The following SPEF2 variants were observed in gnomAD, a reference collection of about 807,000 sequenced individuals.
The protein encoded by SPEF2 is sperm flagella and cilia-associated protein 2.
Under a neutral mutation model 224.6 loss-of-function variants are expected in SPEF2, and 187 were observed. The observed-to-expected ratio is 0.83, with a 90% CI of 0.74 to 0.94. The LOEUF (loss-of-function observed/expected upper bound fraction) is 0.94, where lower values mean the gene tolerates loss of function less well. Ranked by LOEUF, SPEF2 falls within the 40% of genes least tolerant of loss-of-function variation. The pLI is 0.00. For synonymous variants in SPEF2, 715 were observed against 707.3 expected, an observed-to-expected ratio of 1.01 and a Z score of -0.17; for missense variants, 2,170 against 2,135.6, an observed-to-expected ratio of 1.02 and a Z score of -0.32.
intron 24 of SPEF2, among the ~76,000 whole-genome samples, chr5:35,756,928 G>T (rs1361748316): frequency 6.6e-6 from 1 of 151,974 alleles, no homozygotes. Context: ...CCCCAACAAG[G>T]TACTCATTAA....
At chr5:35,797,970 G>T (rs1431210185) in intron 33 of SPEF2, among the ~76,000 whole-genome samples, 2 of 152,076 alleles carry the variant, frequency 1.3e-5, no homozygotes. Context: ...AAACCCAGGA[G>T]TCATCCCCAG....
At chr5:35,794,909 G>A (rs779001216) in intron 32 of SPEF2, among the ~76,000 whole-genome samples, 8 of 151,842 alleles carry the variant, frequency 5.3e-5, no homozygotes, top group Non-Finnish European at 8.8e-5. Flanking sequence ...CTGCCCTTCC[G>A]CCCTCAGGTC....
At chr5:35,802,540 CA>C (rs1230315327) in intron 34 of SPEF2, among the ~76,000 whole-genome samples, 15 of 151,830 alleles carry the variant, frequency 9.9e-5, no homozygotes, top group Admixed American at 7.9e-4. Context: ...AAAAAGAATG[CA>C]GGGGGAAAAT....
At chr5:35,726,629 T>C (rs1036811076) in intron 20 of SPEF2, among the ~76,000 whole-genome samples, 2 of 152,218 alleles carry the variant, frequency 1.3e-5, no homozygotes, top group African/African-American at 4.8e-5. Context: ...GCGGAAGATG[T>C]ATTTGCTTTT....
chr5:35,755,572 T>A (rs1006687912), intron 24 of SPEF2, among the ~76,000 whole-genome samples: 2 of 152,184 alleles, frequency 1.3e-5, no homozygotes, highest in African/African-American at 4.8e-5. Flanking sequence ...AAGTTCTTAC[T>A]ATGTACATGC....
chr5:35,747,371 G>C (rs912451986), intron 23 of SPEF2, among the ~76,000 whole-genome samples: 1 of 152,158 alleles, frequency 6.6e-6, no homozygotes, highest in African/African-American at 2.4e-5. Context: ...TGGCCTAAAG[G>C]CTCCACTTAA....
intron 30 of SPEF2, among the ~76,000 whole-genome samples, chr5:35,782,791 C>T (rs1754524262): frequency 6.6e-6 from 1 of 152,110 alleles, no homozygotes; most frequent in Admixed American, 6.6e-5. Flanking sequence ...AATTGAAAAG[C>T]ATCATATATT....
At position 35,740,130 on chromosome 5, in the gene SPEF2, A is replaced by G; in HGVS notation, c.3193A>G (p.Thr1065Ala). Reference sequence around the variant, plus strand: ...ATCTCATTCTATTAATGTCTACAGAACAAGTTTCCAGGAGTTTCTAAAGCG... The same window carrying G: ...ATCTCATTCTATTAATGTCTACAGAGCAAGTTTCCAGGAGTTTCTAAAGCG... ...TVLAYLYEIR[T>A]SFQEFLKRPD... The change falls in exon 23 of 37, where the codon ACA becomes GCA. Residue 1065 changes from threonine to alanine, a missense_variant and splice_region_variant. Physicochemically the swap from Thr to Ala is moderately conservative, Grantham distance 58. Transcript: ENST00000356031. 6.2e-7 allele frequency: 1 copy of G among 1,614,178 alleles called. No homozygotes were observed. The highest frequency in any genetic ancestry group is 8.5e-7 in the Non-Finnish European group (1 of 1,180,024).
At chr5:35,756,211 A>C (rs1580605667) in intron 24 of SPEF2, among the ~76,000 whole-genome samples, 1 of 152,176 alleles carries the variant, frequency 6.6e-6, no homozygotes, top group Admixed American at 6.5e-5. Context: ...TGTAGATGCT[A>C]CCTGCCCATC....
At chr5:35,755,053 C>T (rs760968512) in intron 24 of SPEF2, among the ~76,000 whole-genome samples, 20 of 152,208 alleles carry the variant, frequency 1.3e-4, no homozygotes, top group Non-Finnish European at 2.6e-4. Flanking sequence ...CAGGAGCAGC[C>T]ACTCAGGTAG....
chr5:35,790,688 A>G (rs528014762), intron 30 of SPEF2: 17 of 188,160 alleles, frequency 9.0e-5, no homozygotes, highest in African/African-American at 3.9e-4. Flanking sequence ...TGACCAGACT[A>G]TGATTACGGT....
At chr5:35,702,330 C>G (rs1168990665) in intron 16 of SPEF2, 1 of 455,966 alleles carries the variant, frequency 2.2e-6, no homozygotes, top group Non-Finnish European at 4.4e-6. Context: ...GTAAATGATC[C>G]AGACTCAAAG....
At chr5:35,751,057 G>GTA (rs1554048714) in intron 23 of SPEF2, among the ~76,000 whole-genome samples, 11 of 24,014 alleles carry the variant, frequency 4.6e-4, no homozygotes, top group Admixed American at 1.1e-3. Context: ...ATATATATAC[G>GTA]TATATATATG....
chr5:35,636,947 G>A (rs1745914088), intron 2 of SPEF2, among the ~76,000 whole-genome samples: 1 of 148,896 alleles, frequency 6.7e-6, no homozygotes. Context: ...TTGCACTCCA[G>A]CCTGGGTGAC....
rs1438274481 is a variant in SPEF2 at position 35,776,744 on chromosome 5, A to G, written c.4217+349A>G. 3.3e-5 allele frequency among the ~76,000 whole-genome samples: 5 copies of G among 152,310 alleles called. No individual in the cohort carries two copies. The South Asian group carries it at 6.2e-4, about 19-fold the overall frequency. ...TAAAATAATCCTTGATACTTTTCCA[A>G]TGGTAGATTTATTATCAGTCAGAGC... On this transcript the variant is annotated intron_variant, in intron 29 of 36. Transcript: ENST00000356031.
chr5:35,646,617 G>A (rs1394380187), intron 4 of SPEF2, 50 bp from the exon 5 acceptor site: 3 of 1,559,682 alleles, frequency 1.9e-6, no homozygotes, highest in Non-Finnish European at 2.6e-6. Flanking sequence ...GTATTATATT[G>A]CCTATTCTGT....
At position 35,742,514 on chromosome 5, in the gene SPEF2, TAG is replaced by T. The variant is rs1454334756; in HGVS notation, c.3330+2249_3330+2250del. ...TACAAATATTTTAAATCTAAATTAT[TAG>T]ATTTATATCAAATATTAGATTCTTT... On this transcript the variant is annotated intron_variant, in intron 23 of 36. Coordinates refer to ENST00000356031, the MANE Select transcript of SPEF2 (RefSeq NM_024867.4). 3.3e-5 allele frequency among the ~76,000 whole-genome samples: 5 copies of T among 152,014 alleles called. No individual in the cohort carries two copies. The East Asian group carries it at 9.6e-4, about 29-fold the overall frequency.
At chr5:35,781,005 C>G (rs1174087025) in intron 30 of SPEF2, among the ~76,000 whole-genome samples, 1 of 151,970 alleles carries the variant, frequency 6.6e-6, no homozygotes, top group Non-Finnish European at 1.5e-5. Context: ...GCAGCTATAA[C>G]TTGACATGTG....
rs777905069 is a variant in SPEF2 at position 35,628,559 on chromosome 5, G to A, written c.158G>A (p.Ser53Asn). 6.3e-7 allele frequency: 1 copy of A among 1,598,440 alleles called. No individual in the cohort carries two copies. Among genetic ancestry groups the A allele is most frequent in the South Asian group, 1.1e-5 (1 of 90,572 alleles). The change falls in exon 2 of 37, where the codon AGC (serine) becomes AAC (asparagine). Residue 53 changes from serine (S) to asparagine (N), a missense_variant. Coordinates refer to ENST00000356031, the MANE Select transcript of SPEF2 (RefSeq NM_024867.4). ...LQDDFSEFLD[S>N]RVSSAKLNNF... ...GATGATTTTTCAGAATTTTTGGACA[G>A]CAGGTTAGTGAGATTATTCCTTTTT...
Sources: gnomAD v4.1 joint callset for allele counts (sites outside exome capture counted in the v4.1 genomes callset) on GRCh38, gnomAD v4.1.1 for gene constraint, MANE v1.5 for transcripts, NCBI Gene and HGNC (gene_info 2026-07-23, HGNC 2026-07-21) for gene names.